C1orf185: variants seen among roughly 807,000 people sequenced by gnomAD.
C1orf185 encodes chromosome 1 open reading frame 185.
A neutral mutation model predicts 16.1 loss-of-function variants in C1orf185; 13 were observed. That is an observed-to-expected ratio of 0.81 (90% CI 0.53 to 1.28). The LOEUF (loss-of-function observed/expected upper bound fraction) is 1.28, where lower values mean the gene tolerates loss of function less well. Ranked by LOEUF, C1orf185 falls within the 50% of genes most tolerant of loss-of-function variation. The pLI is 0.00. For missense variants in C1orf185, 220 were observed against 225.2 expected, an observed-to-expected ratio of 0.98 and a Z score of 0.15; for synonymous variants, 80 against 76.9, an observed-to-expected ratio of 1.04 and a Z score of -0.21.
intron 2 of C1orf185, among the ~76,000 whole-genome samples, chr1:51,117,074 T>C (rs565576655): frequency 6.6e-6 from 1 of 152,216 alleles, no homozygotes; most frequent in Non-Finnish European, 1.5e-5. Context: ...GTATTTAAGC[T>C]CGATGGAAGC....
At chr1:51,107,432 A>T (rs558006451) in intron 1 of C1orf185, 3 of 152,216 alleles carry the variant, frequency 2.0e-5, no homozygotes, top group Non-Finnish European at 2.9e-5. Flanking sequence ...CCAAAAGACA[A>T]CTAATAGTAA....
downstream of C1orf185, among the ~76,000 whole-genome samples, chr1:51,151,300 T>C (rs1181609100): frequency 2.0e-5 from 3 of 152,218 alleles, no homozygotes; most frequent in African/African-American, 7.2e-5. Context: ...AGGGAAGAAC[T>C]ACTTTTCGGA....
intron 3 of C1orf185, among the ~76,000 whole-genome samples, chr1:51,142,554 A>G (rs535708806): frequency 2.0e-5 from 3 of 152,292 alleles, no homozygotes; most frequent in East Asian, 1.9e-4. Flanking sequence ...GTTTTTAGCT[A>G]TGAATTCAAT....
chr1:51,115,906 A>G (rs1475023566), intron 2 of C1orf185, among the ~76,000 whole-genome samples: 2 of 152,140 alleles, frequency 1.3e-5, no homozygotes, highest in Non-Finnish European at 2.9e-5. Context: ...TTGGATGAAA[A>G]TGGCAGAGTT....
intron 3 of C1orf185, among the ~76,000 whole-genome samples, chr1:51,120,532 T>C (rs1472213553): frequency 6.6e-6 from 1 of 152,222 alleles, no homozygotes; most frequent in Non-Finnish European, 1.5e-5. Context: ...CTGGAAGATT[T>C]TAAGCATGTG....
chr1:51,128,608 G>A (rs1312226016), intron 3 of C1orf185, among the ~76,000 whole-genome samples: 6 of 152,164 alleles, frequency 3.9e-5, no homozygotes, highest in Non-Finnish European at 5.9e-5. Context: ...CAGGATAATC[G>A]CTTGAAATTG....
chr1:51,151,562 T>C (rs559586113), downstream of C1orf185, among the ~76,000 whole-genome samples: 29 of 152,288 alleles, frequency 1.9e-4, no homozygotes, highest in Admixed American at 1.3e-3. Flanking sequence ...GAGGGAAGGC[T>C]TGTGGGAATG....
chr1:51,121,321 T>C, intron 3 of C1orf185, among the ~76,000 whole-genome samples: 1 of 152,142 alleles, frequency 6.6e-6, no homozygotes, highest in Non-Finnish European at 1.5e-5. Flanking sequence ...TGTCTGCTTC[T>C]ACGAGTTCAA....
At chr1:51,126,062 C>T (rs1010480301) in intron 3 of C1orf185, among the ~76,000 whole-genome samples, 2 of 152,102 alleles carry the variant, frequency 1.3e-5, no homozygotes, top group African/African-American at 4.8e-5. Context: ...ACTCAAGTTA[C>T]TTAGGTTCTG....
chr1:51,112,513 G>A lies in C1orf185; in HGVS notation c.66G>A (p.Leu22=). 6.4e-7 allele frequency: 1 copy of A among 1,550,468 alleles called. No homozygotes were observed. Among genetic ancestry groups the A allele is most frequent in the Non-Finnish European group, 8.7e-7 (1 of 1,146,396 alleles). ...TYFLAAGAVT[L]GIGFFALASA... ...TTCTTGCTGCTGGTGCTGTCACTTTGGGAATTGGTTTCTTTGCTTTGGCAT... is the reference window on the plus strand; with the variant it reads ...TTCTTGCTGCTGGTGCTGTCACTTTAGGAATTGGTTTCTTTGCTTTGGCAT... Residue 22 remains leucine (L), a synonymous_variant, in exon 2 of 5, where the codon TTG becomes TTA. Coordinates refer to ENST00000371759, the MANE Select transcript of C1orf185 (RefSeq NM_001136508.2).
At chr1:51,108,319 G>A (rs971758225) in intron 1 of C1orf185, among the ~76,000 whole-genome samples, 4 of 151,610 alleles carry the variant, frequency 2.6e-5, no homozygotes, top group African/African-American at 4.9e-5. Flanking sequence ...TGACGTAATT[G>A]TGCACATTTA....
chr1:51,120,187 G>T (rs568534049), intron 3 of C1orf185, among the ~76,000 whole-genome samples: 7 of 152,270 alleles, frequency 4.6e-5, no homozygotes, highest in South Asian at 2.1e-4. Context: ...GGAAAAAGAC[G>T]CTGGGGATGA....
intron 1 of C1orf185, among the ~76,000 whole-genome samples, chr1:51,110,760 G>T (rs1486379231): frequency 6.6e-6 from 1 of 152,116 alleles, no homozygotes; most frequent in Non-Finnish European, 1.5e-5. Context: ...CTTGAGGTCA[G>T]GAGTTAGAGA....
At chr1:51,120,410 G>A (rs1646189670) in intron 3 of C1orf185, among the ~76,000 whole-genome samples, 1 of 152,126 alleles carries the variant, frequency 6.6e-6, no homozygotes, top group South Asian at 2.1e-4. Context: ...GCAAAATAAG[G>A]ATAATTTCAC....
In C1orf185 at chr1:51,143,919, G is replaced by C. The variant is rs1203256403; in HGVS notation, c.259-1805G>C. On this transcript the variant is annotated intron_variant, in intron 3 of 4. Transcript: ENST00000371759. Reference sequence around the variant, plus strand: ...CGTGAGCCACTGCACCCAGCCATAAGCTTGGAGTTTCAAATTGCGGGTTTT... The same window carrying C: ...CGTGAGCCACTGCACCCAGCCATAACCTTGGAGTTTCAAATTGCGGGTTTT... Among the ~76,000 whole-genome samples the C allele has an allele frequency of 2.0e-5, 3 of 152,174 alleles. No individual in the cohort carries two copies. In the East Asian group the frequency reaches 5.8e-4, roughly 29 times the overall value.
intron 2 of C1orf185, among the ~76,000 whole-genome samples, chr1:51,116,315 C>CTTTTTTTTTTTTTTTTTTTTT (rs59140209): frequency 7.3e-6 from 1 of 137,346 alleles, no homozygotes; most frequent in African/African-American, 2.7e-5. Flanking sequence ...TCACCCTACC[C>CTTTTTTTTTTTTTTTTTTTTT]TTTTTTTTTT....
chr1:51,143,609 T>C (rs1256300198), intron 3 of C1orf185, among the ~76,000 whole-genome samples: 1 of 151,972 alleles, frequency 6.6e-6, no homozygotes, highest in East Asian at 1.9e-4. Context: ...TATTAATATC[T>C]ATGTATCATA....
At chr1:51,128,835 C>T (rs1646261241) in intron 3 of C1orf185, among the ~76,000 whole-genome samples, 1 of 152,018 alleles carries the variant, frequency 6.6e-6, no homozygotes, top group African/African-American at 2.4e-5. Flanking sequence ...ACTTTTTAAA[C>T]TGGAAAGTTT....
At chr1:51,104,012 AAATAATC>A (rs1410136553) in intron 1 of C1orf185, among the ~76,000 whole-genome samples, 1 of 152,328 alleles carries the variant, frequency 6.6e-6, no homozygotes, top group Admixed American at 6.5e-5. Flanking sequence ...CACCAACTAT[AAATAATC>A]AATATGGTCC....
Sources: gnomAD v4.1 joint callset for allele counts (sites outside exome capture counted in the v4.1 genomes callset) on GRCh38, gnomAD v4.1.1 for gene constraint, MANE v1.5 for transcripts, NCBI Gene and HGNC (gene_info 2026-07-23, HGNC 2026-07-21) for gene names.